MYO5B: variants seen among roughly 807,000 people sequenced by gnomAD.
The protein encoded by MYO5B is myosin VB.
MYO5B carries 143 observed loss-of-function variants against 229.3 expected under a neutral mutation model. The ratio of observed to expected loss-of-function variants is 0.62; its 90% confidence interval spans 0.54 to 0.72. The LOEUF (loss-of-function observed/expected upper bound fraction) is 0.72. MYO5B is among the 30% of genes least tolerant of loss of function. The probability of loss-of-function intolerance (pLI) is 0.00; values close to 1 mark genes in which losing one functional copy is unlikely to be tolerated. For missense variants in MYO5B, 2,321 were observed against 2,331.0 expected, an observed-to-expected ratio of 1.00 and a Z score of 0.09; for synonymous variants, 918 against 885.2, an observed-to-expected ratio of 1.04 and a Z score of -0.66.
intron 1 of MYO5B, among the ~76,000 whole-genome samples, chr18:50,111,527 T>C (rs992309566): frequency 1.3e-5 from 2 of 152,216 alleles, no homozygotes; most frequent in Non-Finnish European, 2.9e-5. Flanking sequence ...ACATGTTCCT[T>C]GGGTAAATTT....
At chr18:50,023,830 A>G (rs531079924) in intron 4 of MYO5B, among the ~76,000 whole-genome samples, 6 of 152,258 alleles carry the variant, frequency 3.9e-5, no homozygotes, top group Admixed American at 2.6e-4. Context: ...AGACACTAGA[A>G]GTTTCCAGCC....
chr18:50,005,249 A>G (rs980097622), intron 4 of MYO5B, among the ~76,000 whole-genome samples: 2 of 152,294 alleles, frequency 1.3e-5, no homozygotes, highest in Admixed American at 6.5e-5. Flanking sequence ...AAAACCCTTG[A>G]TAAGTATGGG....
chr18:50,071,360 C>A (rs963645626), intron 1 of MYO5B, among the ~76,000 whole-genome samples: 1 of 152,166 alleles, frequency 6.6e-6, no homozygotes, highest in Non-Finnish European at 1.5e-5. Context: ...GTTTCTATTT[C>A]CTCAAGGGTA....
intron 26 of MYO5B, 104 bp from the exon 27 acceptor site, chr18:49,872,336 T>C: frequency 9.3e-7 from 1 of 1,079,638 alleles, no homozygotes; most frequent in East Asian, 2.4e-5. Context: ...TGTGCGTGAA[T>C]ACCCAACACC....
At chr18:50,020,106 G>C (rs1011614977) in intron 4 of MYO5B, among the ~76,000 whole-genome samples, 1 of 152,168 alleles carries the variant, frequency 6.6e-6, no homozygotes, top group African/African-American at 2.4e-5. Context: ...TCTCATGAGA[G>C]ACACAATCAT....
chr18:50,002,478 T>C (rs990868581), intron 4 of MYO5B, among the ~76,000 whole-genome samples: 3 of 152,116 alleles, frequency 2.0e-5, no homozygotes, highest in Admixed American at 6.5e-5. Flanking sequence ...TAGCAAGCCA[T>C]AGAAGCTGGT....
At chr18:50,117,131 G>C (rs186308246) in intron 1 of MYO5B, among the ~76,000 whole-genome samples, 1 of 151,988 alleles carries the variant, frequency 6.6e-6, no homozygotes, top group East Asian at 1.9e-4. Flanking sequence ...TTTTGGTCAA[G>C]ATACGATTAT....
chr18:49,932,377 C>A (rs147189375), intron 16 of MYO5B, among the ~76,000 whole-genome samples: 1 of 152,334 alleles, frequency 6.6e-6, no homozygotes, highest in East Asian at 1.9e-4. Flanking sequence ...CCAGAAGGCA[C>A]CTGGCACAGA....
At chr18:49,867,143 A>G (rs2024405841) in intron 27 of MYO5B, among the ~76,000 whole-genome samples, 1 of 152,124 alleles carries the variant, frequency 6.6e-6, no homozygotes, top group Admixed American at 6.5e-5. Context: ...CCTGGTTTGC[A>G]TGGGGAGATG....
intron 8 of MYO5B, among the ~76,000 whole-genome samples, chr18:49,982,874 T>C (rs1462744052): frequency 6.6e-6 from 1 of 152,196 alleles, no homozygotes; most frequent in Non-Finnish European, 1.5e-5. Flanking sequence ...CAAAAGCAAT[T>C]TGCTTTGAGC....
intron 17 of MYO5B, among the ~76,000 whole-genome samples, chr18:49,917,027 T>A (rs1385243184): frequency 6.6e-6 from 1 of 152,208 alleles, no homozygotes; most frequent in Non-Finnish European, 1.5e-5. Flanking sequence ...AGCCCACTCA[T>A]GAAGACCACA....
intron 27 of MYO5B, among the ~76,000 whole-genome samples, chr18:49,864,941 G>A (rs2024379262): frequency 6.6e-6 from 1 of 152,216 alleles, no homozygotes; most frequent in African/African-American, 2.4e-5. Context: ...GTCCCTGTCA[G>A]CAGAGGAAAA....
chr18:50,020,953 A>T (rs1272352430), intron 4 of MYO5B, among the ~76,000 whole-genome samples: 2 of 152,194 alleles, frequency 1.3e-5, no homozygotes, highest in Non-Finnish European at 2.9e-5. Flanking sequence ...AGAAATTGAT[A>T]CACAGGGCAT....
chr18:50,088,186 C>T (rs886855558), intron 1 of MYO5B, among the ~76,000 whole-genome samples: 3 of 152,040 alleles, frequency 2.0e-5, no homozygotes, highest in African/African-American at 4.8e-5. Context: ...AGGAAATAAA[C>T]GTGGCAAGTC....
At chr18:50,158,398 A>G (rs981132334) in intron 1 of MYO5B, among the ~76,000 whole-genome samples, 1 of 152,098 alleles carries the variant, frequency 6.6e-6, no homozygotes, top group African/African-American at 2.4e-5. Flanking sequence ...TCCATTCCCT[A>G]TTTTTATGCA....
At chr18:50,102,481 A>G (rs1039498038) in intron 1 of MYO5B, among the ~76,000 whole-genome samples, 1 of 152,238 alleles carries the variant, frequency 6.6e-6, no homozygotes, top group Admixed American at 6.5e-5. Flanking sequence ...TCAATGGTCC[A>G]GCAACACACA....
chr18:50,188,946 T>C (rs954253329), intron 1 of MYO5B, among the ~76,000 whole-genome samples: 1 of 152,064 alleles, frequency 6.6e-6, no homozygotes, highest in Non-Finnish European at 1.5e-5. Context: ...ATCGCCAACA[T>C]GGTGAAGCAG....
chr18:49,847,323 G>A lies in MYO5B; in HGVS notation c.4316-34C>T, dbSNP rs2144048928. ...GAAAGAAAACAGGAAGCATGGATGAGACTTCCAGCTGCAGGCCTGAGGGTA... is the reference window on the plus strand; with the variant it reads ...GAAAGAAAACAGGAAGCATGGATGAAACTTCCAGCTGCAGGCCTGAGGGTA... On this transcript the variant is annotated intron_variant, in intron 32 of 39. Transcript: ENST00000285039. 4 of 1,608,096 alleles carry A rather than the reference G, an allele frequency of 2.5e-6. No individual in the cohort carries two copies. In the East Asian group the frequency reaches 8.9e-5, roughly 36 times the overall value.
rs1599096162 is a variant in MYO5B, at chr18:50,195,054, A to C, written c.-261T>G. On this transcript the variant is annotated 5_prime_UTR_variant, in exon 1 of 40. Transcript: ENST00000285039. The stretch of plus-strand genomic sequence containing the variant: ...CCGGGGGAGGAGGCCGCGCCGCACC[A>C]CTCCCCTCCCAGGTGTGGGGAGGAG... 3.0e-6 allele frequency: 1 copy of C among 333,072 alleles called. No individual in the cohort carries two copies. Among genetic ancestry groups the C allele is most frequent in the Non-Finnish European group, 5.3e-6 (1 of 187,910 alleles). The allele number at this position is 333,072 out of a possible 1,614,324, so 20.6% of individuals were successfully genotyped here.
Sources: gnomAD v4.1 joint callset for allele counts (sites outside exome capture counted in the v4.1 genomes callset) on GRCh38, gnomAD v4.1.1 for gene constraint, MANE v1.5 for transcripts, NCBI Gene and HGNC (gene_info 2026-07-23, HGNC 2026-07-21) for gene names.